NF1: variants seen among roughly 807,000 people sequenced by gnomAD.
NF1 encodes the protein neurofibromin.
A neutral mutation model predicts 325.7 loss-of-function variants in NF1; 122 were observed. The ratio of observed to expected loss-of-function variants is 0.37; its 90% CI spans 0.32 to 0.44. The LOEUF (loss-of-function observed/expected upper bound fraction) is 0.44, where lower values mean the gene tolerates loss of function less well. Among genes scored for constraint, NF1 ranks in the 20% least tolerant of loss-of-function variants. The probability of loss-of-function intolerance (pLI) is 1.00; values close to 1 mark genes in which losing one functional copy is unlikely to be tolerated. For synonymous variants in NF1, 1,091 were observed against 1,186.0 expected, an observed-to-expected ratio of 0.92 and a Z score of 1.65; for missense variants, 2,140 against 3,415.4, an observed-to-expected ratio of 0.63 and a Z score of 9.31.
chr17:31,320,485 G>A (rs2069157216), intron 36 of NF1: 3 of 1,492,922 alleles, frequency 2.0e-6, no homozygotes. Flanking sequence ...AGAAATGGTT[G>A]TTATATGTCA....
intron 57 of NF1, among the ~76,000 whole-genome samples, chr17:31,368,513 T>A (rs2070574975): frequency 6.6e-6 from 1 of 152,222 alleles, no homozygotes; most frequent in Non-Finnish European, 1.5e-5. Flanking sequence ...TTAATACGCC[T>A]CCATGAATGT....
chr17:31,214,314 T>C (rs2066782141), intron 12 of NF1, 137 bp from the exon 13 acceptor site: 1 of 636,704 alleles, frequency 1.6e-6, no homozygotes, highest in East Asian at 2.8e-5. Flanking sequence ...TATTGAGTGT[T>C]TCTACTAATA....
intron 36 of NF1, among the ~76,000 whole-genome samples, chr17:31,288,630 G>A (rs1010343014): frequency 7.4e-5 from 11 of 148,692 alleles, no homozygotes; most frequent in Middle Eastern, 3.6e-3. Context: ...TCCGCCTCCC[G>A]GGTTCAAGCG....
chr17:31,176,546 C>T (rs1009646503), intron 5 of NF1, among the ~76,000 whole-genome samples: 2 of 152,100 alleles, frequency 1.3e-5, no homozygotes, highest in Non-Finnish European at 2.9e-5. Flanking sequence ...CATTTGTTGT[C>T]ATTGCTTTTG....
chr17:31,322,112 C>CACACACACACACACAT (rs952076431), intron 36 of NF1, among the ~76,000 whole-genome samples: 114 of 151,768 alleles, frequency 7.5e-4, no homozygotes, highest in African/African-American at 2.5e-3. Context: ...CACACACACA[C>CACACACACACACACAT]ACACACACAC....
At chr17:31,169,477 CTCTTATGAACTCA>C (rs2065897668) in intron 4 of NF1, among the ~76,000 whole-genome samples, 1 of 151,974 alleles carries the variant, frequency 6.6e-6, no homozygotes, top group African/African-American at 2.4e-5. Context: ...TATGTCTTTA[CTCTTATGAACTCA>C]TCTTTGGGGG....
At chr17:31,145,792 G>T (rs1323152361) in intron 1 of NF1, among the ~76,000 whole-genome samples, 1 of 152,162 alleles carries the variant, frequency 6.6e-6, no homozygotes, top group Non-Finnish European at 1.5e-5. Flanking sequence ...AACAAAAGAA[G>T]TATCATGAAG....
chr17:31,108,956 A>T (rs900430170), intron 1 of NF1, among the ~76,000 whole-genome samples: 4 of 152,218 alleles, frequency 2.6e-5, no homozygotes, highest in African/African-American at 9.6e-5. Flanking sequence ...AATATGCATG[A>T]AAGTATTTTG....
At chr17:31,280,346 C>G (rs1720404977) in intron 36 of NF1, among the ~76,000 whole-genome samples, 1 of 151,324 alleles carries the variant, frequency 6.6e-6, no homozygotes, top group Non-Finnish European at 1.5e-5. Flanking sequence ...AAACCCGTCT[C>G]TACTAAAGAT....
chr17:31,366,716 C>G (rs1038121415), intron 57 of NF1, among the ~76,000 whole-genome samples: 4 of 152,180 alleles, frequency 2.6e-5, no homozygotes, highest in Non-Finnish European at 5.9e-5. Context: ...TCATGAGACC[C>G]TCGTCTTTTA....
At chr17:31,152,909 T>C (rs966269607) in intron 1 of NF1, among the ~76,000 whole-genome samples, 5 of 152,146 alleles carry the variant, frequency 3.3e-5, no homozygotes, top group Non-Finnish European at 5.9e-5. Context: ...TCTGTTGGCT[T>C]ATTTTTATGT....
chr17:31,098,678 G>C (rs1422624990), intron 1 of NF1, among the ~76,000 whole-genome samples: 2 of 151,998 alleles, frequency 1.3e-5, no homozygotes, highest in Non-Finnish European at 2.9e-5. Flanking sequence ...TCACGCCTGT[G>C]ATCCCAGCAC....
At chr17:31,231,969 CTAAGGTT>C in intron 24 of NF1, 97 bp from the exon 25 acceptor site, 1 of 692,272 alleles carries the variant, frequency 1.4e-6, no homozygotes, top group Non-Finnish European at 2.5e-6. Context: ...TAGGTAGTTC[CTAAGGTT>C]TATATCTGTT....
chr17:31,191,599 G>A (rs2066343483), intron 8 of NF1, among the ~76,000 whole-genome samples: 1 of 152,210 alleles, frequency 6.6e-6, no homozygotes, highest in Admixed American at 6.5e-5. Context: ...ATCAGTGGAT[G>A]CCAGGAGTGA....
chr17:31,109,348 A>C (rs572943165), intron 1 of NF1, among the ~76,000 whole-genome samples: 3 of 151,640 alleles, frequency 2.0e-5, no homozygotes, highest in South Asian at 4.2e-4. Flanking sequence ...GACTCTCAGC[A>C]ATGCTTTTTT....
chr17:31,327,634 A>C lies in NF1; in HGVS notation c.5404A>C (p.Thr1802Pro). Residue 1802 changes from threonine to proline, a missense_variant, in exon 38 of 58, where the codon ACC (threonine) becomes CCC (proline). Around this residue, in one of 10 missense-constraint regions of NF1, gnomAD observed 147 missense variants for 186.7 expected, o/e 0.79. Transcript: ENST00000358273. ...CLVDENQFTL[T>P]IANQGTPLTF... is the part of the protein sequence containing the mutation. Reference sequence around the variant, plus strand: ...AGTAGATGAGAACCAGTTCACCTTAACCATTGCAAACCAGGGCACGCCGCT... The same window carrying C: ...AGTAGATGAGAACCAGTTCACCTTACCCATTGCAAACCAGGGCACGCCGCT... The C allele has an allele frequency of 6.2e-7, 1 of 1,614,116 alleles. No homozygotes were observed. Among genetic ancestry groups the C allele is most frequent in the Non-Finnish European group, 8.5e-7 (1 of 1,180,012 alleles).
chr17:31,180,149 A>AG (rs2066100174), intron 5 of NF1, among the ~76,000 whole-genome samples: 1 of 152,248 alleles, frequency 6.6e-6, no homozygotes, highest in Non-Finnish European at 1.5e-5. Context: ...AGATGGATTC[A>AG]CAGCCAGATT....
At position 31,377,632 on chromosome 17, in the gene NF1, C is replaced by T. The variant is rs866872386; in HGVS notation, c.*3477C>T. On this transcript the variant is annotated 3_prime_UTR_variant, in exon 58 of 58. Transcript: ENST00000358273. Reference sequence around the variant, plus strand: ...TTCCTCCTTGTGTATGTACTTCCCCCACCCCCCTTTTTTTAAGTAAAATGT... The same window carrying T: ...TTCCTCCTTGTGTATGTACTTCCCCTACCCCCCTTTTTTTAAGTAAAATGT... The T allele has an allele frequency of 1.7e-5, 4 of 231,830 alleles. No homozygotes were observed. The highest frequency in any genetic ancestry group is 3.4e-5 in the Non-Finnish European group (4 of 117,338). The allele number at this position is 231,830 out of a possible 1,614,324, so 14.4% of individuals were successfully genotyped here. A position where few individuals can be genotyped will look rare whatever the true frequency, so the allele number is the denominator to read the frequency against.
intron 27 of NF1, among the ~76,000 whole-genome samples, chr17:31,234,670 C>CAAAAAAAAAAAAAA (rs754308242): frequency 1.8e-5 from 1 of 56,236 alleles, no homozygotes; most frequent in Non-Finnish European, 3.6e-5. Context: ...GACTCTGTCT[C>CAAAAAAAAAAAAAA]AAAAAAAAAA....
Sources: allele counts gnomAD v4.1 joint callset (sites outside exome capture counted in the v4.1 genomes callset), GRCh38; gene constraint gnomAD v4.1.1; regional missense constraint gnomAD v4.1.1; transcripts MANE v1.5; gene names NCBI Gene and HGNC (gene_info 2026-07-23, HGNC 2026-07-21).